The following VGLL4 variants were observed in gnomAD, a reference collection of about 807,000 sequenced individuals.
The protein encoded by VGLL4 is vestigial like family member 4.
Under a neutral mutation model 21.0 loss-of-function variants are expected in VGLL4, and 7 were observed. That is an observed-to-expected ratio of 0.33 (90% CI 0.19 to 0.63). VGLL4 has a LOEUF of 0.63. Ranked by LOEUF, VGLL4 falls within the 20% of genes least tolerant of loss-of-function variation. The probability of loss-of-function intolerance (pLI) is 0.78; values close to 1 mark genes in which losing one functional copy is unlikely to be tolerated. For synonymous variants in VGLL4, 222 were observed against 173.2 expected, an observed-to-expected ratio of 1.28 and a Z score of -2.21; for missense variants, 394 against 425.7, an observed-to-expected ratio of 0.93 and a Z score of 0.66.
At chr3:11,690,179 T>G (rs2076507325) in intron 2 of VGLL4, among the ~76,000 whole-genome samples, 1 of 152,184 alleles carries the variant, frequency 6.6e-6, no homozygotes, top group Non-Finnish European at 1.5e-5. Flanking sequence ...TTTGCACCTG[T>G]GTTTTGAGTT....
intron 2 of VGLL4, among the ~76,000 whole-genome samples, chr3:11,677,178 A>C (rs186878180): frequency 1.8e-3 from 280 of 152,322 alleles, no homozygotes; most frequent in African/African-American, 6.1e-3. Context: ...TAAAAGGAGA[A>C]CTATTGAGTT....
chr3:11,675,458 A>G (rs1053265222), intron 2 of VGLL4, among the ~76,000 whole-genome samples: 6 of 152,238 alleles, frequency 3.9e-5, no homozygotes, highest in Non-Finnish European at 8.8e-5. Flanking sequence ...GGGCTTGTCT[A>G]ACTCCATGGA....
intron 1 of VGLL4, among the ~76,000 whole-genome samples, chr3:11,614,988 A>G (rs1262842417): frequency 6.6e-6 from 1 of 152,144 alleles, no homozygotes; most frequent in African/African-American, 2.4e-5. Context: ...TATCATAAGC[A>G]TTTTTGTCAG....
chr3:11,709,991 G>A (rs1433688813), intron 1 of VGLL4, among the ~76,000 whole-genome samples: 1 of 152,204 alleles, frequency 6.6e-6, no homozygotes, highest in East Asian at 1.9e-4. Flanking sequence ...GAGACCTCAG[G>A]AAGCTTCCAA....
intron 4 of VGLL4, 33 bp downstream of exon 4, chr3:11,559,299 G>A (rs1357364637): frequency 6.6e-7 from 1 of 1,509,642 alleles, no homozygotes; most frequent in Non-Finnish European, 8.9e-7. Context: ...CACTAGCACA[G>A]CTGTGACAGG....
intron 2 of VGLL4, among the ~76,000 whole-genome samples, chr3:11,689,397 G>T (rs1036482731): frequency 6.6e-6 from 1 of 152,066 alleles, no homozygotes; most frequent in Non-Finnish European, 1.5e-5. Flanking sequence ...CGCTAATTTG[G>T]TCTTTAATTC....
chr3:11,713,526 G>A (rs1017667260), intron 1 of VGLL4, among the ~76,000 whole-genome samples: 52 of 147,392 alleles, frequency 3.5e-4, no homozygotes, highest in African/African-American at 1.1e-3. Flanking sequence ...ATATCTTCAT[G>A]TTCTATATCT....
At chr3:11,637,037 G>C (rs2075602507) in intron 1 of VGLL4, among the ~76,000 whole-genome samples, 1 of 150,404 alleles carries the variant, frequency 6.6e-6, no homozygotes, top group Non-Finnish European at 1.5e-5. Context: ...AAGGCATACA[G>C]GCATCTCCCT....
chr3:11,688,223 T>C (rs984172582), intron 2 of VGLL4, among the ~76,000 whole-genome samples: 17 of 152,206 alleles, frequency 1.1e-4, no homozygotes, highest in African/African-American at 3.9e-4. Flanking sequence ...CTCATATCTA[T>C]GTACTTGATT....
intron 2 of VGLL4, among the ~76,000 whole-genome samples, chr3:11,657,117 C>A (rs1372023396): frequency 3.3e-5 from 5 of 152,180 alleles, no homozygotes; most frequent in African/African-American, 1.2e-4. Flanking sequence ...AGGCCATAAC[C>A]TTTGCTAGCC....
intron 2 of VGLL4, among the ~76,000 whole-genome samples, chr3:11,567,840 A>G (rs2447602): frequency 0.21 from 31,282 of 152,178 alleles, 3,487 homozygotes; most frequent in Middle Eastern, 0.27. Flanking sequence ...ATACAATTTT[A>G]TTGTTAACAA....
At chr3:11,591,634 G>T (rs2074499635) in intron 2 of VGLL4, among the ~76,000 whole-genome samples, 1 of 152,216 alleles carries the variant, frequency 6.6e-6, no homozygotes, top group African/African-American at 2.4e-5. Flanking sequence ...CCTCTAGCCT[G>T]ACAAACAAGA....
chr3:11,569,593 T>G (rs2073694735), intron 2 of VGLL4, among the ~76,000 whole-genome samples: 1 of 152,220 alleles, frequency 6.6e-6, no homozygotes, highest in African/African-American at 2.4e-5. Context: ...ACAGGGCCAG[T>G]GAGTGGGCCG....
chr3:11,577,792 C>T (rs1313829128), intron 2 of VGLL4, among the ~76,000 whole-genome samples: 1 of 152,208 alleles, frequency 6.6e-6, no homozygotes, highest in East Asian at 1.9e-4. Flanking sequence ...TGAACTCTGC[C>T]TTCAAATACA....
chr3:11,609,724 C>T (rs1385266584), intron 1 of VGLL4, among the ~76,000 whole-genome samples: 1 of 152,198 alleles, frequency 6.6e-6, no homozygotes, highest in African/African-American at 2.4e-5. Context: ...GCAGGCCCAT[C>T]GCCAGACTGG....
chr3:11,593,569 G>GA (rs903861053), intron 2 of VGLL4, among the ~76,000 whole-genome samples: 8 of 142,520 alleles, frequency 5.6e-5, no homozygotes, highest in South Asian at 4.6e-4. Context: ...ACAGGGCCAG[G>GA]AAAAAACAAA....
chr3:11,658,232 G>GCCTGGAT (rs1559927930), intron 2 of VGLL4, among the ~76,000 whole-genome samples: 1 of 152,092 alleles, frequency 6.6e-6, no homozygotes, highest in African/African-American at 2.4e-5. Context: ...ACCATGCCCG[G>GCCTGGAT]CTAAAACAAG....
intron 1 of VGLL4, among the ~76,000 whole-genome samples, chr3:11,641,071 C>G (rs550035630): frequency 6.9e-6 from 1 of 145,254 alleles, no homozygotes; most frequent in Non-Finnish European, 1.5e-5. Context: ...GAGCCAAGAT[C>G]GCGCCATTGC....
chr3:11,634,500 T>G (rs1334480288), intron 1 of VGLL4, among the ~76,000 whole-genome samples: 1 of 152,166 alleles, frequency 6.6e-6, no homozygotes, highest in Non-Finnish European at 1.5e-5. Context: ...ATTTCATCTC[T>G]TATTCCCTTC....
Sources: allele counts gnomAD v4.1 joint callset (sites outside exome capture counted in the v4.1 genomes callset), GRCh38; gene constraint gnomAD v4.1.1; transcripts MANE v1.5; gene names NCBI Gene and HGNC (gene_info 2026-07-23, HGNC 2026-07-21).